The following KSR2 variants were observed in gnomAD, a reference collection of about 807,000 sequenced individuals.
KSR2 encodes the protein kinase suppressor of ras 2.
Under a neutral mutation model 107.8 loss-of-function variants are expected in KSR2, and 25 were observed. That is an observed-to-expected ratio of 0.23 (90% confidence interval 0.17 to 0.32). The LOEUF (loss-of-function observed/expected upper bound fraction) is 0.32, where lower values mean the gene tolerates loss of function less well. KSR2 is among the 10% of genes least tolerant of loss of function. KSR2 has a pLI of 1.00. For missense variants in KSR2, 887 were observed against 1,268.9 expected (o/e 0.70, Z 4.57); for synonymous variants, 480 against 507.0 (o/e 0.95, Z 0.71).
chr12:117,932,517 G>A (rs1202043255), intron 1 of KSR2, among the ~76,000 whole-genome samples: 1 of 152,030 alleles, frequency 6.6e-6, no homozygotes, highest in Non-Finnish European at 1.5e-5. Flanking sequence ...GGAGTTCAAA[G>A]CCAGCCTGGG....
chr12:117,859,256 C>T (rs1893203668), intron 2 of KSR2, among the ~76,000 whole-genome samples: 1 of 149,928 alleles, frequency 6.7e-6, no homozygotes, highest in Non-Finnish European at 1.5e-5. Context: ...AGCTATTCTC[C>T]TGCCTCAGCC....
At chr12:117,645,638 A>G (rs1433507323) in intron 5 of KSR2, among the ~76,000 whole-genome samples, 8 of 151,728 alleles carry the variant, frequency 5.3e-5, no homozygotes. Flanking sequence ...TCCCCACCCA[A>G]TGTTCCTGGA....
At chr12:117,664,217 G>A (rs1231702394) in intron 5 of KSR2, among the ~76,000 whole-genome samples, 2 of 150,468 alleles carry the variant, frequency 1.3e-5, no homozygotes, top group Non-Finnish European at 1.5e-5. Context: ...TGTCCTTCTC[G>A]CAGCCCACTC....
At chr12:117,865,994 T>C (rs1234860351) in intron 1 of KSR2, among the ~76,000 whole-genome samples, 1 of 151,786 alleles carries the variant, frequency 6.6e-6, no homozygotes, top group Non-Finnish European at 1.5e-5. Flanking sequence ...TGATACTATG[T>C]CTTTAACAAC....
At chr12:117,960,842 G>A (rs1031795323) in intron 1 of KSR2, among the ~76,000 whole-genome samples, 5 of 144,904 alleles carry the variant, frequency 3.5e-5, no homozygotes, top group South Asian at 2.2e-4. Flanking sequence ...CTCTGTCACC[G>A]AGGCTGGAGT....
intron 11 of KSR2, 84 bp downstream of exon 11, chr12:117,531,582 A>G (rs1875635967): frequency 1.7e-6 from 2 of 1,194,040 alleles, no homozygotes; most frequent in Admixed American, 1.9e-5. Context: ...CCCCCACAAC[A>G]TCTGCCTCCA....
chr12:117,964,276 T>A (rs1896735239), intron 1 of KSR2, among the ~76,000 whole-genome samples: 1 of 152,118 alleles, frequency 6.6e-6, no homozygotes, highest in Non-Finnish European at 1.5e-5. Context: ...CGTTCTATCC[T>A]CTCTTGGAGG....
intron 5 of KSR2, among the ~76,000 whole-genome samples, chr12:117,651,372 G>A (rs913226526): frequency 6.6e-6 from 1 of 152,162 alleles, no homozygotes; most frequent in African/African-American, 2.4e-5. Context: ...GGTTGAGAGT[G>A]TGACCCATGA....
chr12:117,788,702 A>G (rs1890161223), intron 3 of KSR2, among the ~76,000 whole-genome samples: 1 of 152,156 alleles, frequency 6.6e-6, no homozygotes, highest in South Asian at 2.1e-4. Context: ...TAGTTGAGAC[A>G]GTGTTTCACC....
rs1886148363 is a variant in KSR2, at chr12:117,698,148, T to A, written c.987-30490A>T. Among the ~76,000 whole-genome samples the A allele has an allele frequency of 2.0e-5, 3 of 152,332 alleles. No individual in the cohort carries two copies. The South Asian group carries it at 6.2e-4, about 32-fold the overall frequency. ...GAATCAACCCTGCTCCCACCTTGAT[T>A]TCAGACTTCTGGCCCCCAGAACTGT... On this transcript the variant is annotated intron_variant, in intron 4 of 19. Coordinates refer to ENST00000339824, the MANE Select transcript of KSR2 (RefSeq NM_173598.6).
intron 3 of KSR2, among the ~76,000 whole-genome samples, chr12:117,802,468 G>A (rs1185431127): frequency 1.3e-5 from 2 of 152,176 alleles, no homozygotes. Context: ...CCCTGGGGAT[G>A]AGGGCATGGG....
At chr12:117,838,526 C>G (rs904140112) in intron 3 of KSR2, among the ~76,000 whole-genome samples, 2 of 152,160 alleles carry the variant, frequency 1.3e-5, no homozygotes, top group Non-Finnish European at 2.9e-5. Flanking sequence ...ACAAGCTCTA[C>G]CAGGTACTAG....
chr12:117,950,925 A>G (rs576946138), intron 1 of KSR2, among the ~76,000 whole-genome samples: 1 of 151,308 alleles, frequency 6.6e-6, no homozygotes, highest in African/African-American at 2.4e-5. Context: ...TTATTTATTT[A>G]TTTTTTGAGA....
At chr12:117,903,915 C>T (rs1894763514) in intron 1 of KSR2, among the ~76,000 whole-genome samples, 1 of 152,082 alleles carries the variant, frequency 6.6e-6, no homozygotes, top group Non-Finnish European at 1.5e-5. Context: ...GGGAAGACTG[C>T]TTAAGGCCAG....
Position 117,917,432 on chromosome 12 carries a change from T to C in KSR2, c.180+50644A>G, listed in dbSNP as rs147145951. Among the ~76,000 whole-genome samples, 305 of 152,188 alleles carry C rather than the reference T, an allele frequency of 2.0e-3. 1 individual carries two copies. The highest frequency in any genetic ancestry group is 3.3e-3 in the Non-Finnish European group (227 of 68,004). On this transcript the variant is annotated intron_variant, in intron 1 of 19. Coordinates refer to ENST00000339824, the MANE Select transcript of KSR2 (RefSeq NM_173598.6). ...TGGTGCATGCCTGTAGTCCTAGCTA[T>C]TCAGGAAGATGAAGTGAGAAGATCA... is the stretch of plus-strand genomic sequence containing the variant.
chr12:117,495,851 C>T (rs571716997), intron 14 of KSR2, among the ~76,000 whole-genome samples: 2 of 152,070 alleles, frequency 1.3e-5, no homozygotes, highest in Non-Finnish European at 2.9e-5. Flanking sequence ...GTCAAGAGAT[C>T]GAGACCATCC....
chr12:117,683,229 A>AT (rs201854131), intron 4 of KSR2, among the ~76,000 whole-genome samples: 373 of 151,848 alleles, frequency 2.5e-3, no homozygotes, highest in African/African-American at 8.1e-3. Context: ...GACATATACT[A>AT]TTTTTTTTGC....
At chr12:117,689,069 T>C (rs1166665290) in intron 4 of KSR2, among the ~76,000 whole-genome samples, 1 of 152,212 alleles carries the variant, frequency 6.6e-6, no homozygotes, top group African/African-American at 2.4e-5. Context: ...CTCTTCCAAC[T>C]CTTCTGTGAC....
intron 3 of KSR2, among the ~76,000 whole-genome samples, chr12:117,775,140 C>T (rs916433969): frequency 2.0e-5 from 3 of 152,142 alleles, no homozygotes; most frequent in African/African-American, 7.2e-5. Context: ...TTTGTTTGAA[C>T]ATCTGTTTTC....
Sources: gnomAD v4.1 joint callset for allele counts (sites outside exome capture counted in the v4.1 genomes callset) on GRCh38, gnomAD v4.1.1 for gene constraint, MANE v1.5 for transcripts, NCBI Gene and HGNC (gene_info 2026-07-23, HGNC 2026-07-21) for gene names.